Variants in NAA15 observed in about 807,000 individuals in gnomAD.
NAA15 encodes the protein N-terminal acetyltransferase.
NAA15 carries 34 observed loss-of-function variants against 114.0 expected under a neutral mutation model. The ratio of observed to expected loss-of-function variants is 0.30; its 90% confidence interval spans 0.23 to 0.40. The LOEUF is 0.40. NAA15 is among the 10% of genes least tolerant of loss of function. The pLI is 1.00. For synonymous variants in NAA15, 340 were observed against 338.0 expected (o/e 1.01, Z -0.06); for missense variants, 658 against 1,004.5 (o/e 0.66, Z 4.66).
intron 3 of NAA15, among the ~76,000 whole-genome samples, chr4:139,339,886 G>A (rs1330492606): frequency 6.6e-6 from 1 of 152,170 alleles, no homozygotes; most frequent in Non-Finnish European, 1.5e-5. Flanking sequence ...GTGAAAAAGG[G>A]CTGTATTTGG....
chr4:139,339,567 G>A (rs1473011693), intron 3 of NAA15, among the ~76,000 whole-genome samples: 14 of 151,944 alleles, frequency 9.2e-5, no homozygotes. Flanking sequence ...TGGCCAACAT[G>A]GTGAAACCCT....
rs1748138363 is a variant in NAA15, at chr4:139,361,765, A to G, written c.1581A>G (p.Thr527=). Residue 527 remains threonine, a synonymous_variant, in exon 14 of 20, where the codon ACA becomes ACG. Transcript: ENST00000296543. ...CTGATGACCAGTTTGACTTTCATAC[A>G]TACTGTATGAGGAAGATTACCCTTA... ...EITDDQFDFH[T]YCMRKITLRS... The G allele has an allele frequency of 1.9e-6, 3 of 1,611,234 alleles. No individual in the cohort carries two copies. The highest frequency in any genetic ancestry group is 2.5e-6 in the Non-Finnish European group (3 of 1,178,338).
intron 1 of NAA15, among the ~76,000 whole-genome samples, chr4:139,321,344 T>C (rs981525655): frequency 2.6e-5 from 4 of 152,064 alleles, no homozygotes; most frequent in Admixed American, 1.3e-4. Context: ...TATTTTTTTG[T>C]GGAGAATCTG....
chr4:139,339,232 C>T (rs934931084), intron 3 of NAA15, among the ~76,000 whole-genome samples: 1 of 152,230 alleles, frequency 6.6e-6, no homozygotes. Flanking sequence ...CACAGTGACT[C>T]ATGCCCATAA....
At chr4:139,344,984 AT>A (rs1747535103) in intron 6 of NAA15, among the ~76,000 whole-genome samples, 1 of 152,226 alleles carries the variant, frequency 6.6e-6, no homozygotes, top group Non-Finnish European at 1.5e-5. Flanking sequence ...TAAAAGAAGA[AT>A]AACAAGTAAT....
intron 15 of NAA15, among the ~76,000 whole-genome samples, chr4:139,372,363 C>T (rs1748465828): frequency 6.6e-6 from 1 of 152,146 alleles, no homozygotes; most frequent in Non-Finnish European, 1.5e-5. Context: ...GCCTTCAAGC[C>T]AGATAACAAC....
chr4:139,372,207 C>T (rs187331854), intron 15 of NAA15, among the ~76,000 whole-genome samples: 4 of 152,290 alleles, frequency 2.6e-5, no homozygotes, highest in African/African-American at 4.8e-5. Flanking sequence ...TGAGCCACTG[C>T]GCCTGGCCCA....
At chr4:139,329,292 T>A (rs1209998019) in intron 1 of NAA15, among the ~76,000 whole-genome samples, 1 of 152,228 alleles carries the variant, frequency 6.6e-6, no homozygotes, top group African/African-American at 2.4e-5. Context: ...TTTATAATAG[T>A]TGTTTTAACT....
intron 14 of NAA15, among the ~76,000 whole-genome samples, chr4:139,367,079 A>T (rs7690253): frequency 0.3 from 45,851 of 151,872 alleles, 7,708 homozygotes; most frequent in African/African-American, 0.46. Flanking sequence ...TAAGTGTGAC[A>T]TTTCAATTAT....
chr4:139,337,037 CTT>C (rs1168648880), intron 3 of NAA15, 85 bp downstream of exon 3: 1 of 718,330 alleles, frequency 1.4e-6, no homozygotes, highest in Admixed American at 2.9e-5. Flanking sequence ...TTAGATCTCT[CTT>C]ATTGTGCTAT....
intron 1 of NAA15, among the ~76,000 whole-genome samples, chr4:139,324,912 G>T (rs901482215): frequency 1.3e-5 from 2 of 152,184 alleles, no homozygotes; most frequent in African/African-American, 4.8e-5. Context: ...ATTTGGAGGG[G>T]CCTGCCATTC....
At chr4:139,386,926 T>A (rs1285908287) in intron 19 of NAA15, among the ~76,000 whole-genome samples, 1 of 152,234 alleles carries the variant, frequency 6.6e-6, no homozygotes, top group Non-Finnish European at 1.5e-5. Context: ...ATGGGTGTAT[T>A]GTAAAATACT....
chr4:139,318,859 A>G (rs1185651597), intron 1 of NAA15, among the ~76,000 whole-genome samples: 7 of 152,130 alleles, frequency 4.6e-5, no homozygotes, highest in African/African-American at 1.7e-4. Context: ...AAAAAAAAAA[A>G]GGAACTTAAA....
chr4:139,371,497 G>GCACACACACACACACA lies in NAA15; in HGVS notation c.1947+1123_1947+1138dup, dbSNP rs35581039. Among the ~76,000 whole-genome samples, 257 of 113,668 alleles carry GCACACACACACACACA rather than the reference G, an allele frequency of 2.3e-3. 1 individual carries two copies. Among genetic ancestry groups the GCACACACACACACACA allele is most frequent in the East Asian group, 6.8e-3 (24 of 3,530 alleles). 74.6% of individuals were successfully genotyped at this position (113,668 alleles called of 152,430 possible). A position where few individuals can be genotyped will look rare whatever the true frequency, so the allele number is the denominator to read the frequency against. On this transcript the variant is annotated intron_variant, in intron 15 of 19. Coordinates refer to ENST00000296543, the MANE Select transcript of NAA15 (RefSeq NM_057175.5). ...CTTAAAAAAAAAAAAAAGAAAAGTA[G>GCACACACACACACACA]CACACACACACACACACACACACAC...
At chr4:139,327,766 A>G (rs1261773629) in intron 1 of NAA15, among the ~76,000 whole-genome samples, 2 of 152,050 alleles carry the variant, frequency 1.3e-5, no homozygotes, top group African/African-American at 4.8e-5. Context: ...CCCGGATTTA[A>G]GCGATTCTCC....
At chr4:139,378,337 T>A (rs533441077) in intron 16 of NAA15, among the ~76,000 whole-genome samples, 48 of 152,248 alleles carry the variant, frequency 3.2e-4, no homozygotes, top group Non-Finnish European at 5.9e-4. Context: ...AGTCACAGAT[T>A]GACAGGAGAG....
At chr4:139,344,488 A>G in intron 6 of NAA15, 149 bp downstream of exon 6, 1 of 580,168 alleles carries the variant, frequency 1.7e-6, no homozygotes. Context: ...ATAGTTTATG[A>G]TGTGGGAAAA....
intron 6 of NAA15, among the ~76,000 whole-genome samples, chr4:139,347,383 G>C (rs189058605): frequency 6.6e-6 from 1 of 152,224 alleles, no homozygotes; most frequent in Admixed American, 6.5e-5. Context: ...TGTAATCCCA[G>C]CACTTTGGGA....
chr4:139,347,311 G>A (rs1747617767), intron 6 of NAA15, among the ~76,000 whole-genome samples: 1 of 152,058 alleles, frequency 6.6e-6, no homozygotes, highest in Non-Finnish European at 1.5e-5. Context: ...AACTGCCCCT[G>A]GTTGAGAACC....
Sources: gnomAD v4.1 joint callset for allele counts (sites outside exome capture counted in the v4.1 genomes callset) on GRCh38, gnomAD v4.1.1 for gene constraint, MANE v1.5 for transcripts, NCBI Gene and HGNC (gene_info 2026-07-23, HGNC 2026-07-21) for gene names.